SPATA13: variants seen among roughly 807,000 people sequenced by gnomAD.
SPATA13 encodes spermatogenesis associated 13.
SPATA13 carries 50 observed loss-of-function variants against 104.0 expected under a neutral mutation model. The ratio of observed to expected loss-of-function variants is 0.48; its 90% CI spans 0.38 to 0.61. The LOEUF is 0.61. SPATA13 is among the 20% of genes least tolerant of loss of function. The pLI is 0.00. For synonymous variants in SPATA13, 606 were observed against 667.5 expected, an observed-to-expected ratio of 0.91 and a Z score of 1.42; for missense variants, 1,524 against 1,690.6, an observed-to-expected ratio of 0.90 and a Z score of 1.73.
At chr13:24,204,196 A>G (rs1380167305) in intron 1 of SPATA13, among the ~76,000 whole-genome samples, 3 of 152,190 alleles carry the variant, frequency 2.0e-5, no homozygotes, top group Non-Finnish European at 4.4e-5. Flanking sequence ...AGATACAGTT[A>G]CAGGAATAAT....
intron 3 of SPATA13, among the ~76,000 whole-genome samples, chr13:24,065,196 G>T (rs1380746915): frequency 6.6e-6 from 1 of 152,148 alleles, no homozygotes; most frequent in Non-Finnish European, 1.5e-5. Context: ...AGCGACAACT[G>T]TATAGGAAAG....
chr13:24,241,593 G>T (rs982696912), intron 2 of SPATA13, among the ~76,000 whole-genome samples: 1 of 152,240 alleles, frequency 6.6e-6, no homozygotes, highest in African/African-American at 2.4e-5. Context: ...ACGGAGTGAT[G>T]CCTGGACAGG....
upstream of SPATA13, among the ~76,000 whole-genome samples, chr13:24,157,319 G>C (rs1254855516): frequency 6.6e-6 from 1 of 151,892 alleles, no homozygotes; most frequent in African/African-American, 2.4e-5. Context: ...ATTTTTTTGA[G>C]ATGGAGTCTC....
intron 3 of SPATA13, among the ~76,000 whole-genome samples, chr13:24,019,990 T>C (rs1876904115): frequency 2.0e-5 from 3 of 152,198 alleles, no homozygotes; most frequent in Admixed American, 6.5e-5. Context: ...CTACGTTTAT[T>C]GAAGCTTACC....
intron 3 of SPATA13, among the ~76,000 whole-genome samples, chr13:24,052,701 A>G (rs531761089): frequency 6.6e-6 from 1 of 151,948 alleles, no homozygotes; most frequent in African/African-American, 2.4e-5. Context: ...AAATTTCTCA[A>G]TAAAAGGCAT....
chr13:24,186,818 G>A lies in SPATA13; in HGVS notation c.-112+25886G>A, dbSNP rs193052799. On this transcript the variant is annotated intron_variant, in intron 1 of 12. Transcript: ENST00000382108. Reference sequence around the variant, plus strand: ...GAAGAGAAAAGGGAAGGAAGAGCTGGAAATAGGATTGGAAATCCTAGTGTG... The same window carrying A: ...GAAGAGAAAAGGGAAGGAAGAGCTGAAAATAGGATTGGAAATCCTAGTGTG... Among the ~76,000 whole-genome samples, 14 of 152,292 alleles carry A rather than the reference G, an allele frequency of 9.2e-5. No homozygotes were observed. The East Asian group carries it at 2.7e-3, about 29-fold the overall frequency.
rs115942882 is a variant in SPATA13 at position 24,112,795 on chromosome 13, A to T, written c.-112+95094A>T. ...TTCTGTAAGACCTTCCATGTCTCGTAGTAGTATGATTTGGTCTTTGCTGTC... is the reference window on the plus strand; with the variant it reads ...TTCTGTAAGACCTTCCATGTCTCGTTGTAGTATGATTTGGTCTTTGCTGTC... On this transcript the variant is annotated intron_variant, in intron 3 of 14. Transcript: ENST00000424834. 1.3e-3 allele frequency among the ~76,000 whole-genome samples: 191 copies of T among 152,258 alleles called. 1 individual carries two copies. Among genetic ancestry groups the T allele is most frequent in the African/African-American group, 4.5e-3 (188 of 41,536 alleles).
At chr13:24,244,152 C>T (rs972575539) in intron 2 of SPATA13, among the ~76,000 whole-genome samples, 1 of 152,204 alleles carries the variant, frequency 6.6e-6, no homozygotes, top group Non-Finnish European at 1.5e-5. Context: ...CTGCCTCTGT[C>T]CTCCCATGAC....
Position 24,222,958 on chromosome 13 carries a change from C to T in SPATA13, c.29C>T (p.Ala10Val). 2 of 1,551,276 alleles carry T rather than the reference C, an allele frequency of 1.3e-6. No homozygotes were observed. Among genetic ancestry groups the T allele is most frequent in the Non-Finnish European group, 1.7e-6 (2 of 1,146,790 alleles). Residue 10 changes from alanine to valine, a missense_variant, in exon 2 of 13, where the codon GCA becomes GTA. Ala to Val is a moderately conservative substitution (Grantham distance 64). Transcript: ENST00000382108. ...ACCCAGGCTGCCGTGCGGCCCTGGG[C>T]ACCCTGCCTGGAGAACATGACCACT... Reference protein sequence around the residue: MTQAAVRPWAPCLENMTTAP... With the variant: MTQAAVRPWVPCLENMTTAP...
chr13:24,252,866 CG>C (rs1873572540), intron 4 of SPATA13: 1 of 152,172 alleles, frequency 6.6e-6, no homozygotes, highest in African/African-American at 2.4e-5. Flanking sequence ...GAGGAGCCAC[CG>C]GAAGGTGTGT....
At chr13:24,156,902 G>T (rs751960949), upstream of SPATA13, among the ~76,000 whole-genome samples, 5 of 152,140 alleles carry the variant, frequency 3.3e-5, no homozygotes, top group African/African-American at 4.8e-5. Context: ...AGGCATCTGT[G>T]GTTCAACCAA....
At chr13:24,234,038 T>C (rs1322037913) in intron 2 of SPATA13, among the ~76,000 whole-genome samples, 1 of 152,140 alleles carries the variant, frequency 6.6e-6, no homozygotes, top group African/African-American at 2.4e-5. Context: ...TGAGATACCA[T>C]TAAATAGGAT....
chr13:24,163,537 T>G (rs1882600286), intron 1 of SPATA13, among the ~76,000 whole-genome samples: 2 of 152,260 alleles, frequency 1.3e-5, no homozygotes, highest in South Asian at 4.1e-4. Flanking sequence ...GAGTCTTATT[T>G]ATATCCATTT....
In SPATA13 at chr13:24,027,424, T is replaced by C. The variant is rs151201518; in HGVS notation, c.-112+9723T>C. ...CTGGGATTACAGGCGTGAGCCACCA[T>C]GCCTGGCTGCCTTTTCTTTTTTTTT... On this transcript the variant is annotated intron_variant, in intron 3 of 14. Transcript: ENST00000424834. Among the ~76,000 whole-genome samples, 548 of 152,256 alleles carry C rather than the reference T, an allele frequency of 3.6e-3. 2 individuals carry two copies. The highest frequency in any genetic ancestry group is 0.012 in the African/African-American group (516 of 41,552).
intron 3 of SPATA13, among the ~76,000 whole-genome samples, chr13:24,024,932 TCATATATATATAA>T (rs76754730): frequency 6.8e-6 from 1 of 146,680 alleles, no homozygotes; most frequent in Non-Finnish European, 1.5e-5. Context: ...ACATTCAAAT[TCATATATATATAA>T]ATATATATAT....
chr13:24,049,383 T>C (rs550623379), intron 3 of SPATA13, among the ~76,000 whole-genome samples: 1 of 152,364 alleles, frequency 6.6e-6, no homozygotes, highest in South Asian at 2.1e-4. Flanking sequence ...TGCAGGTTTG[T>C]TGCCTGGGAG....
chr13:24,231,888 C>CA (rs1872298649), intron 2 of SPATA13, among the ~76,000 whole-genome samples: 2 of 152,198 alleles, frequency 1.3e-5, no homozygotes, highest in African/African-American at 4.8e-5. Flanking sequence ...GGTTATTAGC[C>CA]ATTCAAGTGA....
chr13:24,100,061 C>T (rs1880206131), intron 3 of SPATA13, among the ~76,000 whole-genome samples: 1 of 152,014 alleles, frequency 6.6e-6, no homozygotes, highest in Non-Finnish European at 1.5e-5. Flanking sequence ...CAGTATTCAC[C>T]TTATAATAAC....
intron 3 of SPATA13, chr13:24,123,857 G>T: frequency 1.4e-6 from 1 of 716,308 alleles, no homozygotes; most frequent in South Asian, 1.6e-5. Context: ...GAATATACAG[G>T]AATGTTTAAA....
Sources: gnomAD v4.1 joint callset for allele counts (sites outside exome capture counted in the v4.1 genomes callset) on GRCh38, gnomAD v4.1.1 for gene constraint, MANE v1.5 for transcripts, NCBI Gene and HGNC (gene_info 2026-07-23, HGNC 2026-07-21) for gene names.